Variants in NOS1AP observed in about 807,000 individuals in gnomAD.
NOS1AP encodes the protein carboxyl-terminal PDZ ligand of neuronal nitric oxide synthase protein.
In NOS1AP, 21 loss-of-function variants were observed where a neutral mutation model predicts 56.2. The ratio of observed to expected loss-of-function variants is 0.37; its 90% CI spans 0.26 to 0.54. NOS1AP has a LOEUF of 0.54. Among genes scored for constraint, NOS1AP ranks in the 20% least tolerant of loss-of-function variants. NOS1AP has a pLI of 0.84. For synonymous variants in NOS1AP, 270 were observed against 274.6 expected, an observed-to-expected ratio of 0.98 and a Z score of 0.17; for missense variants, 522 against 657.8, an observed-to-expected ratio of 0.79 and a Z score of 2.26.
chr1:162,324,797 T>G (rs565562948), intron 4 of NOS1AP, among the ~76,000 whole-genome samples: 3 of 152,300 alleles, frequency 2.0e-5, no homozygotes, highest in South Asian at 4.1e-4. Flanking sequence ...AGGAATCAGC[T>G]CTTATATTTG....
At chr1:162,238,607 A>G (rs1653381681) in intron 2 of NOS1AP, among the ~76,000 whole-genome samples, 1 of 152,258 alleles carries the variant, frequency 6.6e-6, no homozygotes. Flanking sequence ...TTGTAATTGA[A>G]TAATTTAATT....
At chr1:162,074,361 T>C (rs1691726983) in intron 1 of NOS1AP, among the ~76,000 whole-genome samples, 2 of 152,230 alleles carry the variant, frequency 1.3e-5, no homozygotes, top group South Asian at 4.1e-4. Flanking sequence ...GAAGTATTAA[T>C]AGTTGCTCCC....
At chr1:162,357,418 G>A (rs1322719901) in intron 8 of NOS1AP, among the ~76,000 whole-genome samples, 1 of 152,158 alleles carries the variant, frequency 6.6e-6, no homozygotes, top group East Asian at 1.9e-4. Context: ...CTGACCAAGG[G>A]AAAAGATGCA....
chr1:162,137,719 G>A lies in NOS1AP; in HGVS notation c.106-16686G>A, dbSNP rs367843791. Among the ~76,000 whole-genome samples the A allele has an allele frequency of 4.3e-4, 66 of 152,070 alleles. 1 individual carries two copies. The highest frequency in any genetic ancestry group is 1.5e-3 in the African/African-American group (62 of 41,472). On this transcript the variant is annotated intron_variant, in intron 1 of 9. Transcript: ENST00000361897. ...GCCTTGTCTCCTGTGTGGTTGCTCAGGGTCTCCCTTGAGCCTTCAGTTATG... is the reference window on the plus strand; with the variant it reads ...GCCTTGTCTCCTGTGTGGTTGCTCAAGGTCTCCCTTGAGCCTTCAGTTATG...
chr1:162,104,564 T>G (rs1201832825), intron 1 of NOS1AP, among the ~76,000 whole-genome samples: 1 of 152,198 alleles, frequency 6.6e-6, no homozygotes, highest in Admixed American at 6.5e-5. Context: ...ATAGGTTTGG[T>G]GTCTTTACAT....
chr1:162,263,695 G>T (rs1393924322), intron 2 of NOS1AP, among the ~76,000 whole-genome samples: 3 of 151,904 alleles, frequency 2.0e-5, no homozygotes, highest in African/African-American at 7.3e-5. Flanking sequence ...TTCTGTTTCT[G>T]GCTTAGACTT....
intron 1 of NOS1AP, among the ~76,000 whole-genome samples, chr1:162,151,605 TG>T (rs1649708855): frequency 6.6e-6 from 1 of 152,252 alleles, no homozygotes; most frequent in Non-Finnish European, 1.5e-5. Context: ...TTAACAATAG[TG>T]ATTCTTCCAA....
At chr1:162,197,637 C>T (rs1216817028) in intron 2 of NOS1AP, among the ~76,000 whole-genome samples, 1 of 152,210 alleles carries the variant, frequency 6.6e-6, no homozygotes, top group Non-Finnish European at 1.5e-5. Flanking sequence ...GGTTCCTTTA[C>T]CCAACCCTTT....
chr1:162,276,088 C>T (rs1431061586), intron 2 of NOS1AP, among the ~76,000 whole-genome samples: 1 of 152,174 alleles, frequency 6.6e-6, no homozygotes, highest in Non-Finnish European at 1.5e-5. Flanking sequence ...ACATAGCTCT[C>T]AGAACATAAA....
At chr1:162,093,782 G>A (rs1159549719) in intron 1 of NOS1AP, among the ~76,000 whole-genome samples, 1 of 151,964 alleles carries the variant, frequency 6.6e-6, no homozygotes, top group African/African-American at 2.4e-5. Context: ...TGAACTCTTG[G>A]GTCCAGGTGA....
At chr1:162,200,525 G>A (rs1315916226) in intron 2 of NOS1AP, among the ~76,000 whole-genome samples, 1 of 152,162 alleles carries the variant, frequency 6.6e-6, no homozygotes, top group Non-Finnish European at 1.5e-5. Context: ...CTGGCATTAG[G>A]GAGCGGAGAG....
At chr1:162,116,915 T>C (rs775319819) in intron 1 of NOS1AP, among the ~76,000 whole-genome samples, 1 of 152,206 alleles carries the variant, frequency 6.6e-6, no homozygotes, top group Non-Finnish European at 1.5e-5. Flanking sequence ...CATAGATCTG[T>C]AGCTTTTTGG....
intron 5 of NOS1AP, chr1:162,342,627 T>A (rs572387501): frequency 2.0e-6 from 1 of 495,176 alleles, no homozygotes; most frequent in Non-Finnish European, 4.2e-6. Context: ...TCTTTTTTAT[T>A]ACTACCTTCA....
At chr1:162,169,830 C>T (rs1035629024) in intron 2 of NOS1AP, among the ~76,000 whole-genome samples, 2 of 152,194 alleles carry the variant, frequency 1.3e-5, no homozygotes, top group East Asian at 3.8e-4. Flanking sequence ...AACTCATTTC[C>T]TATGATTGCC....
intron 1 of NOS1AP, among the ~76,000 whole-genome samples, chr1:162,108,884 A>G (rs1219092274): frequency 3.9e-5 from 6 of 152,206 alleles, no homozygotes; most frequent in Non-Finnish European, 7.3e-5. Flanking sequence ...GATTAAACAT[A>G]GATGTATTCT....
intron 2 of NOS1AP, among the ~76,000 whole-genome samples, chr1:162,230,499 G>C (rs1245124873): frequency 6.6e-6 from 1 of 152,174 alleles, no homozygotes; most frequent in Non-Finnish European, 1.5e-5. Context: ...AGAATCTGGT[G>C]ATACTAATTT....
rs148082640 is a variant in NOS1AP, at chr1:162,217,621, A to G, written c.177+63145A>G. On this transcript the variant is annotated intron_variant, in intron 2 of 9. Transcript: ENST00000361897. ...TGCTTTAATGAGTATAGTTGTCCCA[A>G]TTATCATGGGTGCCAGCGAGGCAGA... is the stretch of plus-strand genomic sequence containing the variant. Among the ~76,000 whole-genome samples the G allele has an allele frequency of 2.0e-5, 3 of 152,216 alleles. No homozygotes were observed. In the East Asian group the frequency reaches 5.8e-4, roughly 30 times the overall value.
chr1:162,116,984 C>A (rs562613584), intron 1 of NOS1AP, among the ~76,000 whole-genome samples: 3 of 152,104 alleles, frequency 2.0e-5, no homozygotes, highest in Non-Finnish European at 4.4e-5. Flanking sequence ...AGCCTTTGTT[C>A]CATTGTCCGA....
At chr1:162,092,840 G>T (rs1692164496) in intron 1 of NOS1AP, among the ~76,000 whole-genome samples, 1 of 152,164 alleles carries the variant, frequency 6.6e-6, no homozygotes, top group South Asian at 2.1e-4. Context: ...ACCAGGCCAA[G>T]CCCTTATTCT....
Sources: allele counts gnomAD v4.1 joint callset (sites outside exome capture counted in the v4.1 genomes callset), GRCh38; gene constraint gnomAD v4.1.1; transcripts MANE v1.5; gene names NCBI Gene and HGNC (gene_info 2026-07-23, HGNC 2026-07-21).